Variants in TAFA2 observed in about 807,000 individuals in gnomAD.
The protein encoded by TAFA2 is TAFA chemokine like family member 2, also known as chemokine-like protein TAFA-2.
Under a neutral mutation model 18.8 loss-of-function variants are expected in TAFA2, and 7 were observed. The ratio of observed to expected loss-of-function variants is 0.37; its 90% CI spans 0.21 to 0.70. TAFA2 has a LOEUF of 0.70. Among genes scored for constraint, TAFA2 ranks in the 30% least tolerant of loss-of-function variants. TAFA2 has a pLI of 0.53. For missense variants in TAFA2, 122 were observed against 158.1 expected, an observed-to-expected ratio of 0.77 and a Z score of 1.23; for synonymous variants, 60 against 54.2, an observed-to-expected ratio of 1.11 and a Z score of -0.47.
In TAFA2 at chr12:61,709,829, C is replaced by T. The variant is rs1205220180; in HGVS notation, c.*577G>A. On this transcript the variant is annotated 3_prime_UTR_variant, in exon 5 of 5. Transcript: ENST00000416284. ...CATTATTACCAATGGATATATATTT[C>T]CATTCCTTTAACAAAAGCAACTTTA... is the stretch of plus-strand genomic sequence containing the variant. The T allele has an allele frequency of 6.6e-6, 1 of 152,142 alleles. No homozygotes were observed. Among genetic ancestry groups the T allele is most frequent in the Non-Finnish European group, 1.5e-5 (1 of 68,054 alleles). 9.4% of individuals were successfully genotyped at this position (152,142 alleles called of 1,614,324 possible).
intron 4 of TAFA2, among the ~76,000 whole-genome samples, chr12:61,713,742 T>A (rs1028998297): frequency 1.3e-5 from 2 of 152,206 alleles, no homozygotes; most frequent in African/African-American, 4.8e-5. Flanking sequence ...CAACCTTTTA[T>A]GATTTGTATG....
chr12:62,026,332 G>A (rs1053288904), intron 1 of TAFA2, among the ~76,000 whole-genome samples: 5 of 152,066 alleles, frequency 3.3e-5, no homozygotes, highest in Non-Finnish European at 5.9e-5. Flanking sequence ...GTTCCTTTGA[G>A]GTTTGCCCTT....
At chr12:61,772,406 C>G (rs1243102692) in intron 2 of TAFA2, among the ~76,000 whole-genome samples, 1 of 151,770 alleles carries the variant, frequency 6.6e-6, no homozygotes, top group Non-Finnish European at 1.5e-5. Context: ...AAAGCCAAAA[C>G]CAGGAAAGGA....
chr12:62,094,060 GT>G (rs35525114), intron 1 of TAFA2, among the ~76,000 whole-genome samples: 28,102 of 151,686 alleles, frequency 0.19, 2,809 homozygotes, highest in East Asian at 0.39. Flanking sequence ...AGAAAACTTT[GT>G]TTTAAAACTT....
intron 1 of TAFA2, among the ~76,000 whole-genome samples, chr12:62,138,956 G>A (rs879684504): frequency 1.1e-4 from 17 of 152,206 alleles, no homozygotes; most frequent in Admixed American, 4.6e-4. Context: ...GCCACCCAGA[G>A]ATCAGAAATA....
At chr12:61,798,442 T>G (rs1319803505) in intron 2 of TAFA2, among the ~76,000 whole-genome samples, 1 of 152,174 alleles carries the variant, frequency 6.6e-6, no homozygotes, top group African/African-American at 2.4e-5. Flanking sequence ...AGTGTACACT[T>G]CAGTGGCATT....
intron 1 of TAFA2, chr12:62,104,969 A>C (rs73315625): frequency 3.5e-5 from 7 of 201,730 alleles, no homozygotes; most frequent in Non-Finnish European, 6.3e-5. Context: ...AGTTTTCAAA[A>C]GGATTTACAT....
At chr12:62,166,757 G>C (rs1383648268) in intron 1 of TAFA2, among the ~76,000 whole-genome samples, 1 of 152,128 alleles carries the variant, frequency 6.6e-6, no homozygotes, top group Non-Finnish European at 1.5e-5. Flanking sequence ...TAGAAGTTGA[G>C]CAACATGACC....
chr12:62,078,641 A>C (rs1868274431), intron 1 of TAFA2, among the ~76,000 whole-genome samples: 1 of 151,976 alleles, frequency 6.6e-6, no homozygotes, highest in African/African-American at 2.4e-5. Flanking sequence ...CCTACACATC[A>C]CTCCTTTTCT....
intron 2 of TAFA2, among the ~76,000 whole-genome samples, chr12:61,757,606 G>T (rs116523189): frequency 3.2e-4 from 49 of 152,000 alleles, no homozygotes; most frequent in African/African-American, 9.9e-4. Context: ...CACGGAAAAG[G>T]TTTCACCAAT....
intron 1 of TAFA2, among the ~76,000 whole-genome samples, chr12:62,243,876 G>A (rs74728605): frequency 1.1e-3 from 169 of 152,266 alleles, no homozygotes; most frequent in African/African-American, 3.8e-3. Context: ...GACCTCTCCA[G>A]CTCAAGCAAT....
intron 2 of TAFA2, among the ~76,000 whole-genome samples, chr12:61,794,619 T>A (rs1029072690): frequency 1.3e-5 from 2 of 151,948 alleles, no homozygotes; most frequent in Non-Finnish European, 2.9e-5. Flanking sequence ...TCCATTGTAA[T>A]CCTAACTGAC....
At chr12:62,250,166 C>A (rs2062905809) in intron 1 of TAFA2, among the ~76,000 whole-genome samples, 1 of 152,146 alleles carries the variant, frequency 6.6e-6, no homozygotes, top group African/African-American at 2.4e-5. Context: ...AAAAATAACT[C>A]TTTATTTCCC....
At position 61,932,990 on chromosome 12, in the gene TAFA2, A is replaced by G. The variant is rs1172474561; in HGVS notation, c.-1-65564T>C. ...TGGAAGTACGGAACTAAGAAAGCCA[A>G]GCTAGGTTAAAGGCAACATGAAAGC... On this transcript the variant is annotated intron_variant, in intron 1 of 4. Transcript: ENST00000416284. Among the ~76,000 whole-genome samples, 3 of 152,216 alleles carry G rather than the reference A, an allele frequency of 2.0e-5. No individual in the cohort carries two copies. In the East Asian group the frequency reaches 5.8e-4, roughly 29 times the overall value.
At chr12:61,772,369 A>G (rs1256223737) in intron 2 of TAFA2, among the ~76,000 whole-genome samples, 1 of 151,974 alleles carries the variant, frequency 6.6e-6, no homozygotes, top group African/African-American at 2.4e-5. Flanking sequence ...TTCTCCCTAA[A>G]TCATCCCATG....
At chr12:62,078,794 T>C (rs1242947126) in intron 1 of TAFA2, among the ~76,000 whole-genome samples, 3 of 151,898 alleles carry the variant, frequency 2.0e-5, no homozygotes, top group African/African-American at 4.8e-5. Flanking sequence ...TTTGGCGTGA[T>C]GTTAATTTCT....
intron 1 of TAFA2, among the ~76,000 whole-genome samples, chr12:61,878,991 T>C (rs1291445987): frequency 6.6e-6 from 1 of 152,092 alleles, no homozygotes; most frequent in African/African-American, 2.4e-5. Context: ...AAGTCAAAGT[T>C]AGTAATTAGC....
chr12:62,029,410 G>A (rs1881391123), intron 1 of TAFA2, among the ~76,000 whole-genome samples: 1 of 152,092 alleles, frequency 6.6e-6, no homozygotes, highest in Non-Finnish European at 1.5e-5. Flanking sequence ...TTATGTTTCT[G>A]AAAAGTTAAC....
chr12:62,221,240 A>AGGAG (rs2062761107), intron 1 of TAFA2, among the ~76,000 whole-genome samples: 3 of 115,156 alleles, frequency 2.6e-5, no homozygotes, highest in African/African-American at 8.7e-5. Flanking sequence ...GAAGGAAGGA[A>AGGAG]GGAAGGAAGG....
Sources: allele counts gnomAD v4.1 joint callset (sites outside exome capture counted in the v4.1 genomes callset), GRCh38; gene constraint gnomAD v4.1.1; transcripts MANE v1.5; gene names NCBI Gene and HGNC (gene_info 2026-07-23, HGNC 2026-07-21).